The following CNTN5 variants were observed in gnomAD, a reference collection of about 807,000 sequenced individuals.
CNTN5 encodes the protein contactin 5.
Under a neutral mutation model 129.1 loss-of-function variants are expected in CNTN5, and 77 were observed. The observed-to-expected ratio is 0.60, with a 90% CI of 0.50 to 0.72. The LOEUF is 0.72. Among genes scored for constraint, CNTN5 ranks in the 30% least tolerant of loss-of-function variants. The probability of loss-of-function intolerance (pLI) is 0.00; values close to 1 mark genes in which losing one functional copy is unlikely to be tolerated. For synonymous variants in CNTN5, 509 were observed against 465.6 expected, an observed-to-expected ratio of 1.09 and a Z score of -1.20; for missense variants, 1,478 against 1,328.8, an observed-to-expected ratio of 1.11 and a Z score of -1.75.
chr11:99,334,204 G>T (rs1866123877), intron 2 of CNTN5, among the ~76,000 whole-genome samples: 1 of 152,016 alleles, frequency 6.6e-6, no homozygotes, highest in Non-Finnish European at 1.5e-5. Context: ...TTATTGTCTG[G>T]CTTCACAATT....
At chr11:100,129,962 T>G (rs1397916883) in intron 13 of CNTN5, among the ~76,000 whole-genome samples, 1 of 152,084 alleles carries the variant, frequency 6.6e-6, no homozygotes, top group Admixed American at 6.6e-5. Flanking sequence ...TTTAACCTGA[T>G]TAGTACAACT....
intron 1 of CNTN5, among the ~76,000 whole-genome samples, chr11:99,288,079 G>GA (rs1591473806): frequency 6.6e-6 from 1 of 151,854 alleles, no homozygotes; most frequent in Non-Finnish European, 1.5e-5. Context: ...AAATGAACAA[G>GA]AAAAAATCTG....
chr11:99,281,471 A>ATG (rs1863691161), intron 1 of CNTN5, among the ~76,000 whole-genome samples: 1 of 152,050 alleles, frequency 6.6e-6, no homozygotes, highest in Non-Finnish European at 1.5e-5. Flanking sequence ...AGAGCATCTT[A>ATG]TCCATAGCTC....
intron 6 of CNTN5, among the ~76,000 whole-genome samples, chr11:99,892,578 T>C (rs1298537485): frequency 6.6e-6 from 1 of 152,192 alleles, no homozygotes; most frequent in Non-Finnish European, 1.5e-5. Context: ...TTTTTTAAAA[T>C]AGGGAATCCT....
chr11:99,313,508 A>G (rs1348463159), intron 1 of CNTN5, among the ~76,000 whole-genome samples: 1 of 152,064 alleles, frequency 6.6e-6, no homozygotes, highest in Non-Finnish European at 1.5e-5. Flanking sequence ...AAATTCTCAC[A>G]TAGGGAAAGA....
chr11:99,416,412 C>T (rs2515377), intron 2 of CNTN5, among the ~76,000 whole-genome samples: 1 of 152,018 alleles, frequency 6.6e-6, no homozygotes, highest in Admixed American at 6.6e-5. Flanking sequence ...TCCCCAGTAG[C>T]TAGGACTACA....
At chr11:99,063,943 C>T (rs74412251) in intron 1 of CNTN5, among the ~76,000 whole-genome samples, 1 of 152,040 alleles carries the variant, frequency 6.6e-6, no homozygotes, top group Admixed American at 6.6e-5. Flanking sequence ...ATTCAACTCT[C>T]ATATCACATA....
chr11:100,255,678 G>A (rs1950050649), intron 16 of CNTN5, 82 bp from the exon 17 acceptor site: 2 of 1,214,018 alleles, frequency 1.6e-6, no homozygotes, highest in South Asian at 1.4e-5. Context: ...ATAGTTGGAT[G>A]TGCTACATAT....
intron 3 of CNTN5, among the ~76,000 whole-genome samples, chr11:99,583,877 T>C (rs1949703217): frequency 6.6e-6 from 1 of 152,028 alleles, no homozygotes; most frequent in Non-Finnish European, 1.5e-5. Flanking sequence ...ACTCGGTACC[T>C]CAGTTGGAAA....
chr11:99,634,781 C>T (rs1951489543), intron 3 of CNTN5, among the ~76,000 whole-genome samples: 1 of 152,112 alleles, frequency 6.6e-6, no homozygotes, highest in Admixed American at 6.6e-5. Flanking sequence ...CAGTATTGGG[C>T]AAGAACGGAG....
At chr11:100,029,112 C>A (rs1277273224) in intron 9 of CNTN5, among the ~76,000 whole-genome samples, 1 of 151,286 alleles carries the variant, frequency 6.6e-6, no homozygotes, top group Admixed American at 6.6e-5. Flanking sequence ...GTTTTTCTGC[C>A]TTAACGGCTG....
intron 2 of CNTN5, among the ~76,000 whole-genome samples, chr11:99,432,367 A>C (rs1943406873): frequency 6.6e-6 from 1 of 152,090 alleles, no homozygotes; most frequent in Non-Finnish European, 1.5e-5. Flanking sequence ...GCACAGATAC[A>C]AAAAAAGTAA....
At chr11:99,901,513 G>A (rs781769712) in intron 6 of CNTN5, among the ~76,000 whole-genome samples, 17 of 151,862 alleles carry the variant, frequency 1.1e-4, no homozygotes, top group Admixed American at 2.0e-4. Context: ...GGCTAGTCTC[G>A]AACTCCTGAC....
chr11:100,016,212 A>G (rs1301802720), intron 9 of CNTN5, among the ~76,000 whole-genome samples: 3 of 152,106 alleles, frequency 2.0e-5, no homozygotes, highest in Admixed American at 2.0e-4. Context: ...CAAATGCCAT[A>G]GATACGGGAG....
At chr11:99,070,389 A>G (rs1481703367) in intron 1 of CNTN5, among the ~76,000 whole-genome samples, 3 of 152,136 alleles carry the variant, frequency 2.0e-5, no homozygotes. Context: ...ATAATTTTAA[A>G]TGGTTTCTAT....
At chr11:99,625,945 T>G in intron 3 of CNTN5, among the ~76,000 whole-genome samples, 1 of 150,122 alleles carries the variant, frequency 6.7e-6, no homozygotes, top group East Asian at 2.0e-4. Context: ...CACACACACA[T>G]AAATCTAATG....
intron 1 of CNTN5, among the ~76,000 whole-genome samples, chr11:99,174,863 G>A (rs1046993044): frequency 6.6e-6 from 1 of 151,986 alleles, no homozygotes; most frequent in Non-Finnish European, 1.5e-5. Flanking sequence ...TGATAAAATT[G>A]TATCTGTGGC....
At chr11:99,357,821 T>C (rs1442524115) in intron 2 of CNTN5, among the ~76,000 whole-genome samples, 3 of 151,504 alleles carry the variant, frequency 2.0e-5, no homozygotes, top group African/African-American at 7.3e-5. Flanking sequence ...CTGTTATTTA[T>C]ATCTATATGT....
chr11:100,054,209 C>G (rs1044899854), intron 9 of CNTN5, among the ~76,000 whole-genome samples: 1 of 151,622 alleles, frequency 6.6e-6, no homozygotes, highest in Non-Finnish European at 1.5e-5. Context: ...GTGGCCAAAG[C>G]AAATCATAAG....
Sources: gnomAD v4.1 joint callset for allele counts (sites outside exome capture counted in the v4.1 genomes callset) on GRCh38, gnomAD v4.1.1 for gene constraint, MANE v1.5 for transcripts, NCBI Gene and HGNC (gene_info 2026-07-23, HGNC 2026-07-21) for gene names.